Variants in TNNI3K observed in about 807,000 individuals in gnomAD.
TNNI3K encodes the protein serine/threonine-protein kinase TNNI3K.
A neutral mutation model predicts 114.5 loss-of-function variants in TNNI3K; 140 were observed. The observed-to-expected ratio is 1.22, with a 90% CI of 1.07 to 1.41. The LOEUF is 1.41. Ranked by LOEUF, TNNI3K falls within the 40% of genes most tolerant of loss-of-function variation. TNNI3K has a pLI of 0.00. For synonymous variants in TNNI3K, 347 were observed against 347.5 expected, an observed-to-expected ratio of 1.00 and a Z score of 0.02; for missense variants, 1,125 against 1,007.6, an observed-to-expected ratio of 1.12 and a Z score of -1.58.
At chr1:74,497,980 G>T (rs548209151) in intron 23 of TNNI3K, among the ~76,000 whole-genome samples, 4 of 152,038 alleles carry the variant, frequency 2.6e-5, no homozygotes, top group Non-Finnish European at 5.9e-5. Flanking sequence ...ACTGTGGGAG[G>T]CTTTTTTGTT....
At chr1:74,241,107 A>C (rs1342991655) in intron 2 of TNNI3K, among the ~76,000 whole-genome samples, 1 of 152,026 alleles carries the variant, frequency 6.6e-6, no homozygotes, top group Non-Finnish European at 1.5e-5. Flanking sequence ...TGAAGTCATC[A>C]TTTTTTATGG....
intron 5 of TNNI3K, among the ~76,000 whole-genome samples, chr1:74,330,534 A>T (rs1267243285): frequency 6.6e-6 from 1 of 152,116 alleles, no homozygotes; most frequent in East Asian, 1.9e-4. Flanking sequence ...AATTTTTGTT[A>T]AGATTATAGA....
intron 17 of TNNI3K, among the ~76,000 whole-genome samples, chr1:74,420,410 C>T (rs956670481): frequency 6.6e-6 from 1 of 152,140 alleles, no homozygotes; most frequent in African/African-American, 2.4e-5. Flanking sequence ...TGCTCCCATG[C>T]AGTGTCTTCC....
chr1:74,247,512 C>G (rs943541677), intron 2 of TNNI3K, among the ~76,000 whole-genome samples: 2 of 152,184 alleles, frequency 1.3e-5, no homozygotes, highest in Non-Finnish European at 2.9e-5. Flanking sequence ...GGGCAGCCTG[C>G]TTTTATTCCC....
At chr1:74,270,088 G>T (rs1376814723) in intron 4 of TNNI3K, among the ~76,000 whole-genome samples, 1 of 151,798 alleles carries the variant, frequency 6.6e-6, no homozygotes, top group Non-Finnish European at 1.5e-5. Flanking sequence ...GGTCCTTAAT[G>T]CCTCAGGTGG....
chr1:74,330,504 T>A (rs1267005138), intron 5 of TNNI3K, among the ~76,000 whole-genome samples: 2 of 152,182 alleles, frequency 1.3e-5, no homozygotes, highest in African/African-American at 2.4e-5. Flanking sequence ...GTCTTATTAC[T>A]GCTCTACAAA....
At chr1:74,292,785 A>G (rs1248243409) in intron 5 of TNNI3K, among the ~76,000 whole-genome samples, 2 of 151,582 alleles carry the variant, frequency 1.3e-5, no homozygotes, top group African/African-American at 2.4e-5. Context: ...TTTGTGTTAA[A>G]AATTTTTCAC....
chr1:74,298,698 A>G (rs969204898), intron 5 of TNNI3K, among the ~76,000 whole-genome samples: 1 of 152,098 alleles, frequency 6.6e-6, no homozygotes, highest in Non-Finnish European at 1.5e-5. Context: ...CACACATACT[A>G]TATATAATAT....
At position 74,331,554 on chromosome 1, in the gene TNNI3K, T is replaced by A. The variant is rs1455514716; in HGVS notation, c.543+6T>A. 1 of 1,607,658 alleles carries A rather than the reference T, an allele frequency of 6.2e-7. No individual in the cohort carries two copies. The highest frequency in any genetic ancestry group is 8.5e-7 in the Non-Finnish European group (1 of 1,176,012). ...CGTACTATGGACATGAACAGGTAAG[T>A]CTGACAGTAGGATTTCCAAAGGTTA... is the stretch of plus-strand genomic sequence containing the variant. On this transcript the variant is annotated splice_donor_region_variant and intron_variant, in intron 6 of 24. Coordinates refer to ENST00000326637, the MANE Select transcript of TNNI3K (RefSeq NM_015978.3).
At chr1:74,409,022 G>A (rs952613302) in intron 17 of TNNI3K, among the ~76,000 whole-genome samples, 8 of 151,282 alleles carry the variant, frequency 5.3e-5, no homozygotes, top group Admixed American at 1.3e-4. Context: ...TCTTCTTAAA[G>A]GTACCAGAAT....
At chr1:74,534,930 C>T (rs866245725) in intron 23 of TNNI3K, among the ~76,000 whole-genome samples, 7 of 152,146 alleles carry the variant, frequency 4.6e-5, no homozygotes, top group African/African-American at 9.7e-5. Flanking sequence ...GCATATAGCA[C>T]GTTTCAGTTA....
chr1:74,463,916 G>A (rs1667555553), intron 21 of TNNI3K, among the ~76,000 whole-genome samples: 1 of 152,180 alleles, frequency 6.6e-6, no homozygotes, highest in Admixed American at 6.5e-5. Flanking sequence ...TTAAACATGA[G>A]GCAGGCCTCA....
At chr1:74,409,317 TC>T (rs1664768232) in intron 17 of TNNI3K, among the ~76,000 whole-genome samples, 1 of 152,150 alleles carries the variant, frequency 6.6e-6, no homozygotes, top group African/African-American at 2.4e-5. Context: ...ATCTCCTTAC[TC>T]AATAAGCAGT....
At chr1:74,537,405 C>T (rs1055983415) in intron 23 of TNNI3K, among the ~76,000 whole-genome samples, 4 of 152,062 alleles carry the variant, frequency 2.6e-5, no homozygotes, top group African/African-American at 7.2e-5. Flanking sequence ...TTAAGTATTG[C>T]TTTCTTCTAA....
chr1:74,368,855 T>G, intron 13 of TNNI3K, 167 bp from the exon 14 acceptor site: 2 of 577,382 alleles, frequency 3.5e-6, no homozygotes, highest in Non-Finnish European at 5.8e-6. Flanking sequence ...TAGGGATCAT[T>G]TGGGTTAAGG....
intron 9 of TNNI3K, among the ~76,000 whole-genome samples, chr1:74,350,829 C>T (rs1019413140): frequency 1.4e-4 from 22 of 152,088 alleles, no homozygotes; most frequent in African/African-American, 5.3e-4. Flanking sequence ...GTAGATCTTC[C>T]TCCATCCCTT....
chr1:74,469,179 T>A (rs1336764841), intron 21 of TNNI3K: 1 of 151,874 alleles, frequency 6.6e-6, no homozygotes. Flanking sequence ...CTAAAATGAT[T>A]GAAGCTGAGA....
intron 5 of TNNI3K, among the ~76,000 whole-genome samples, chr1:74,296,273 C>CAA (rs35316333): frequency 2.5e-4 from 30 of 119,084 alleles, no homozygotes; most frequent in African/African-American, 8.3e-4. Context: ...AAGACTCCGT[C>CAA]AAAAAAAAAA....
chr1:74,451,672 C>CTTTTCTTTTCTT (rs1667008757), intron 20 of TNNI3K, among the ~76,000 whole-genome samples: 1 of 41,506 alleles, frequency 2.4e-5, no homozygotes, highest in Non-Finnish European at 4.9e-5. Context: ...CTTTTCTTTT[C>CTTTTCTTTTCTT]TTTTCTTTTC....
Sources: allele counts gnomAD v4.1 joint callset (sites outside exome capture counted in the v4.1 genomes callset), GRCh38; gene constraint gnomAD v4.1.1; transcripts MANE v1.5; gene names NCBI Gene and HGNC (gene_info 2026-07-23, HGNC 2026-07-21).